Variants in USP34 observed in about 807,000 individuals in gnomAD.
USP34 encodes ubiquitin specific peptidase 34.
A neutral mutation model predicts 460.3 loss-of-function variants in USP34; 70 were observed. That is an observed-to-expected ratio of 0.15 (90% CI 0.13 to 0.19). USP34 has a LOEUF of 0.19. USP34 is among the 10% of genes least tolerant of loss of function. The pLI is 1.00. For synonymous variants in USP34, 1,647 were observed against 1,405.3 expected, an observed-to-expected ratio of 1.17 and a Z score of -3.85; for missense variants, 3,985 against 4,236.2, an observed-to-expected ratio of 0.94 and a Z score of 1.65.
chr2:61,236,630 A>G lies in USP34; in HGVS notation c.6778-241T>C, dbSNP rs369460459. 9.8e-5 allele frequency among the ~76,000 whole-genome samples: 15 copies of G among 152,296 alleles called. 1 individual carries two copies. The South Asian group carries it at 2.5e-3, about 25-fold the overall frequency. Reference sequence around the variant, plus strand: ...ATTGTGAGGTTTTTATTGTATTTATAAAAATGCTGCAAGAATTCTGAAATC... The same window carrying G: ...ATTGTGAGGTTTTTATTGTATTTATGAAAATGCTGCAAGAATTCTGAAATC... On this transcript the variant is annotated intron_variant, in intron 53 of 79. Coordinates refer to ENST00000398571, the MANE Select transcript of USP34 (RefSeq NM_014709.4).
chr2:61,399,874 C>CAAAAAAAAAAAAAAAAAAAAAAAAAAA (rs529141667), intron 3 of USP34, among the ~76,000 whole-genome samples: 1 of 69,984 alleles, frequency 1.4e-5, no homozygotes, highest in Non-Finnish European at 2.6e-5. Flanking sequence ...CACTGTCTCC[C>CAAAAAAAAAAAAAAAAAAAAAAAAAAA]AAAAAAAAAA....
intron 53 of USP34, among the ~76,000 whole-genome samples, chr2:61,240,563 C>A (rs1426137282): frequency 6.6e-6 from 1 of 151,870 alleles, no homozygotes; most frequent in Non-Finnish European, 1.5e-5. Flanking sequence ...CAGGCATGAG[C>A]CACCGCGCCC....
At chr2:61,190,237 A>G (rs370022607) in intron 78 of USP34, 34 bp downstream of exon 78, 1 of 1,573,946 alleles carries the variant, frequency 6.4e-7, no homozygotes, top group African/African-American at 1.4e-5. Flanking sequence ...GGACAGTTTA[A>G]AAGTGTGTGC....
chr2:61,389,855 G>C (rs1693288518), intron 5 of USP34, among the ~76,000 whole-genome samples: 2 of 149,660 alleles, frequency 1.3e-5, no homozygotes, highest in Admixed American at 6.6e-5. Context: ...TCAGAAATAG[G>C]GAAAAAAAGA....
At chr2:61,404,988 G>A (rs1237426323) in intron 3 of USP34, among the ~76,000 whole-genome samples, 2 of 151,982 alleles carry the variant, frequency 1.3e-5, no homozygotes, top group Non-Finnish European at 2.9e-5. Context: ...AGCACTTTGG[G>A]AGGCCGAGGT....
At chr2:61,463,040 A>G (rs755980473) in intron 1 of USP34, among the ~76,000 whole-genome samples, 24 of 151,910 alleles carry the variant, frequency 1.6e-4, no homozygotes, top group African/African-American at 4.1e-4. Context: ...CAAAGGGGGG[A>G]AAAAAATTCC....
chr2:61,383,974 G>C (rs747230217), intron 5 of USP34, among the ~76,000 whole-genome samples: 16 of 152,002 alleles, frequency 1.1e-4, no homozygotes, highest in Non-Finnish European at 2.1e-4. Context: ...TCTTTGTACG[G>C]TAGCATCCCC....
At chr2:61,375,249 T>C (rs531317093) in intron 8 of USP34, among the ~76,000 whole-genome samples, 5 of 152,212 alleles carry the variant, frequency 3.3e-5, no homozygotes, top group Admixed American at 3.3e-4. Context: ...TAATAACAAC[T>C]GCTGGCAAGA....
intron 1 of USP34, among the ~76,000 whole-genome samples, chr2:61,425,749 G>T (rs763193962): frequency 6.6e-5 from 10 of 152,122 alleles, no homozygotes; most frequent in Non-Finnish European, 1.2e-4. Context: ...TAGAGGTGGT[G>T]GGAAGGGGGA....
At chr2:61,199,675 C>T (rs1686912179) in intron 75 of USP34, among the ~76,000 whole-genome samples, 1 of 152,148 alleles carries the variant, frequency 6.6e-6, no homozygotes, top group Non-Finnish European at 1.5e-5. Context: ...ACCAATTTCC[C>T]ACCAATTTGG....
intron 69 of USP34, among the ~76,000 whole-genome samples, chr2:61,209,218 T>TATGGGAATA (rs1687205388): frequency 6.6e-6 from 1 of 152,236 alleles, no homozygotes; most frequent in South Asian, 2.1e-4. Context: ...TGGCAGAAGA[T>TATGGGAATA]ATGGGAATAT....
chr2:61,241,761 G>T lies in USP34; in HGVS notation c.6681+5C>A. ...TATAAAATTATACATGAAAAAAATGGTTACCTTTTCAAAAGAGAAGTCCAT... is the reference window on the plus strand; with the variant it reads ...TATAAAATTATACATGAAAAAAATGTTTACCTTTTCAAAAGAGAAGTCCAT... On this transcript the variant is annotated splice_donor_5th_base_variant and intron_variant, in intron 52 of 79. Coordinates refer to ENST00000398571, the MANE Select transcript of USP34 (RefSeq NM_014709.4). 1 of 1,520,336 alleles carries T rather than the reference G, an allele frequency of 6.6e-7. No individual in the cohort carries two copies. Among genetic ancestry groups the T allele is most frequent in the Admixed American group, 2.1e-5 (1 of 47,554 alleles). 94.2% of individuals were successfully genotyped at this position (1,520,336 alleles called of 1,614,324 possible). A position where few individuals can be genotyped will look rare whatever the true frequency, so the allele number is the denominator to read the frequency against.
chr2:61,422,788 T>G (rs977910933), intron 1 of USP34, among the ~76,000 whole-genome samples: 1 of 152,048 alleles, frequency 6.6e-6, no homozygotes, highest in Non-Finnish European at 1.5e-5. Context: ...CACTTGAGCT[T>G]AGGAGGTCAA....
chr2:61,221,805 C>A, intron 65 of USP34, 199 bp from the exon 66 acceptor site: 2 of 411,606 alleles, frequency 4.9e-6, no homozygotes, highest in Non-Finnish European at 4.3e-6. Context: ...CCGGGAACCA[C>A]GTATGATAGA....
At chr2:61,208,133 TG>T (rs1687170596) in intron 70 of USP34, 1 of 152,296 alleles carries the variant, frequency 6.6e-6, no homozygotes, top group Non-Finnish European at 1.5e-5. Context: ...CCCTTCAAGC[TG>T]GGAACCGCTC....
intron 3 of USP34, among the ~76,000 whole-genome samples, chr2:61,401,498 A>G (rs951802768): frequency 1.3e-5 from 2 of 150,860 alleles, no homozygotes; most frequent in Non-Finnish European, 2.9e-5. Context: ...TTGGCTTCCA[A>G]AAATGCTGGG....
chr2:61,372,516 GC>G (rs1463775627), intron 8 of USP34, among the ~76,000 whole-genome samples: 1 of 152,152 alleles, frequency 6.6e-6, no homozygotes, highest in Non-Finnish European at 1.5e-5. Flanking sequence ...GACTGCTTGA[GC>G]CTAGGAGTTC....
chr2:61,434,413 C>T (rs191184057), intron 1 of USP34, among the ~76,000 whole-genome samples: 24 of 152,328 alleles, frequency 1.6e-4, no homozygotes, highest in African/African-American at 5.1e-4. Flanking sequence ...GCCACTCCTG[C>T]CAGGCACAAC....
At position 61,314,754 on chromosome 2, in the gene USP34, A is replaced by G; in HGVS notation, c.3383-10T>C. Reference sequence around the variant, plus strand: ...TCCAAACCTGTTTTACCTGAAAGCCAAATGTTTAGACACATATATTAGCCT... The same window carrying G: ...TCCAAACCTGTTTTACCTGAAAGCCGAATGTTTAGACACATATATTAGCCT... On this transcript the variant is annotated splice_polypyrimidine_tract_variant and intron_variant, in intron 24 of 79. Transcript: ENST00000398571. The G allele has an allele frequency of 6.3e-7, 1 of 1,574,898 alleles. No homozygotes were observed. Among genetic ancestry groups the G allele is most frequent in the Non-Finnish European group, 8.6e-7 (1 of 1,165,454 alleles).
Sources: gnomAD v4.1 joint callset for allele counts (sites outside exome capture counted in the v4.1 genomes callset) on GRCh38, gnomAD v4.1.1 for gene constraint, MANE v1.5 for transcripts, NCBI Gene and HGNC (gene_info 2026-07-23, HGNC 2026-07-21) for gene names.